DIS3L2: variants seen among roughly 807,000 people sequenced by gnomAD.
DIS3L2 encodes the protein DIS3-like exonuclease 2.
A neutral mutation model predicts 97.5 loss-of-function variants in DIS3L2; 34 were observed. The ratio of observed to expected loss-of-function variants is 0.35; its 90% CI spans 0.27 to 0.46. DIS3L2 has a LOEUF of 0.46. Among genes scored for constraint, DIS3L2 ranks in the 20% least tolerant of loss-of-function variants. The probability of loss-of-function intolerance (pLI) is 1.00; values close to 1 mark genes in which losing one functional copy is unlikely to be tolerated. For synonymous variants in DIS3L2, 435 were observed against 445.2 expected (o/e 0.98, Z 0.29); for missense variants, 1,038 against 1,146.0 (o/e 0.91, Z 1.36).
chr2:232,297,069 T>C (rs982123288), intron 13 of DIS3L2, among the ~76,000 whole-genome samples: 4 of 152,224 alleles, frequency 2.6e-5, no homozygotes, highest in Admixed American at 2.0e-4. Context: ...GATGTGTATG[T>C]ACTTCCAAGT....
chr2:232,171,312 G>A (rs1690983603), intron 9 of DIS3L2, among the ~76,000 whole-genome samples: 1 of 152,178 alleles, frequency 6.6e-6, no homozygotes, highest in Non-Finnish European at 1.5e-5. Flanking sequence ...GGATTATCTT[G>A]TGGAACTAGT....
chr2:232,065,989 TTGTATA>T (rs1422849667), intron 5 of DIS3L2, among the ~76,000 whole-genome samples: 3 of 151,952 alleles, frequency 2.0e-5, no homozygotes, highest in Middle Eastern at 3.2e-3. Context: ...AAATTGACTT[TTGTATA>T]TGTATATGTA....
chr2:231,996,740 A>G (rs1427784761), intron 1 of DIS3L2, among the ~76,000 whole-genome samples: 1 of 152,202 alleles, frequency 6.6e-6, no homozygotes, highest in East Asian at 1.9e-4. Context: ...CTGTTATCAC[A>G]TCTAATATAA....
At chr2:232,210,854 C>A (rs1351437173) in intron 10 of DIS3L2, among the ~76,000 whole-genome samples, 4 of 131,924 alleles carry the variant, frequency 3.0e-5, no homozygotes, top group Non-Finnish European at 6.7e-5. Context: ...GCAGGAACAC[C>A]TTCCCTGAGA....
At chr2:232,186,560 G>A (rs1163575588) in intron 9 of DIS3L2, among the ~76,000 whole-genome samples, 3 of 152,136 alleles carry the variant, frequency 2.0e-5, no homozygotes, top group African/African-American at 7.2e-5. Flanking sequence ...ATTTTATGAA[G>A]CCTGATACCC....
At chr2:232,055,596 CGTT>C (rs772539069) in intron 5 of DIS3L2, among the ~76,000 whole-genome samples, 10 of 152,150 alleles carry the variant, frequency 6.6e-5, no homozygotes, top group African/African-American at 1.4e-4. Flanking sequence ...TTCCAGCAAT[CGTT>C]GTTGTGTGTG....
At chr2:232,279,428 T>C (rs1217454179) in intron 13 of DIS3L2, among the ~76,000 whole-genome samples, 1 of 152,240 alleles carries the variant, frequency 6.6e-6, no homozygotes, top group Admixed American at 6.5e-5. Context: ...TTTGGTGAAG[T>C]GTCTGTTCAT....
intron 9 of DIS3L2, among the ~76,000 whole-genome samples, chr2:232,190,621 GAAGA>G (rs938155292): frequency 1.2e-4 from 18 of 152,106 alleles, no homozygotes; most frequent in East Asian, 3.9e-4. Context: ...AGGAAGAAAG[GAAGA>G]AAGAAAGAGA....
intron 6 of DIS3L2, among the ~76,000 whole-genome samples, chr2:232,108,076 C>CA (rs1176419797): frequency 6.6e-6 from 1 of 151,798 alleles, no homozygotes; most frequent in Non-Finnish European, 1.5e-5. Flanking sequence ...AGAGTTAAAT[C>CA]AAAAAAAGAA....
chr2:232,273,717 C>T (rs1428305419), intron 13 of DIS3L2, among the ~76,000 whole-genome samples: 1 of 152,146 alleles, frequency 6.6e-6, no homozygotes, highest in Non-Finnish European at 1.5e-5. Context: ...GTGTCCCCTT[C>T]AGGGGAGCAT....
At chr2:232,234,420 G>A (rs1692879122) in intron 10 of DIS3L2, among the ~76,000 whole-genome samples, 1 of 152,154 alleles carries the variant, frequency 6.6e-6, no homozygotes, top group Non-Finnish European at 1.5e-5. Flanking sequence ...TGTGATCTTG[G>A]CTCACTGCAA....
intron 5 of DIS3L2, among the ~76,000 whole-genome samples, chr2:232,036,315 A>G (rs571376526): frequency 5.9e-5 from 9 of 152,252 alleles, no homozygotes; most frequent in East Asian, 3.9e-4. Flanking sequence ...CAATTCATCT[A>G]CTGATACTTG....
chr2:232,244,281 T>C (rs548178265), intron 11 of DIS3L2, among the ~76,000 whole-genome samples: 14 of 152,242 alleles, frequency 9.2e-5, no homozygotes, highest in African/African-American at 2.9e-4. Context: ...AATCCCCAGC[T>C]GTGTTCTGGG....
At chr2:232,155,614 G>C (rs1690468014) in intron 8 of DIS3L2, among the ~76,000 whole-genome samples, 1 of 152,186 alleles carries the variant, frequency 6.6e-6, no homozygotes, top group Middle Eastern at 3.4e-3. Flanking sequence ...TTTTCTTAAT[G>C]ATCTTGGAAA....
At chr2:232,115,041 C>T (rs1276413847) in intron 6 of DIS3L2, among the ~76,000 whole-genome samples, 3 of 152,018 alleles carry the variant, frequency 2.0e-5, no homozygotes, top group Non-Finnish European at 2.9e-5. Flanking sequence ...CTTATAAAGC[C>T]ACCAGTTCCA....
intron 6 of DIS3L2, among the ~76,000 whole-genome samples, chr2:232,124,854 A>G (rs781336451): frequency 1.1e-4 from 16 of 152,354 alleles, no homozygotes; most frequent in Admixed American, 6.5e-4. Flanking sequence ...GGAGCACTAG[A>G]CTGACCAGGA....
At chr2:232,070,565 GTACCGGAGT>G (rs1361159183) in intron 5 of DIS3L2, among the ~76,000 whole-genome samples, 1 of 151,434 alleles carries the variant, frequency 6.6e-6, no homozygotes, top group East Asian at 1.9e-4. Flanking sequence ...AGGCTTGCTT[GTACCGGAGT>G]TAGGTTATGG....
chr2:232,264,059 G>A (rs12998105), intron 13 of DIS3L2, among the ~76,000 whole-genome samples: 20,460 of 152,200 alleles, frequency 0.13, 1,921 homozygotes, highest in South Asian at 0.36. Context: ...GGATGGTTTC[G>A]GGATGAAACT....
At chr2:232,074,571 C>CTTT (rs66518544) in intron 5 of DIS3L2, among the ~76,000 whole-genome samples, 6 of 104,192 alleles carry the variant, frequency 5.8e-5, no homozygotes, top group African/African-American at 1.9e-4. Context: ...ATCAAGGAAC[C>CTTT]TTTTTTTTTT....
Sources: gnomAD v4.1 joint callset for allele counts (sites outside exome capture counted in the v4.1 genomes callset) on GRCh38, gnomAD v4.1.1 for gene constraint, MANE v1.5 for transcripts, NCBI Gene and HGNC (gene_info 2026-07-23, HGNC 2026-07-21) for gene names.